LPP: variants seen among roughly 807,000 people sequenced by gnomAD.
LPP encodes LIM domain containing preferred translocation partner in lipoma, also known as lipoma-preferred partner.
A neutral mutation model predicts 60.4 loss-of-function variants in LPP; 38 were observed. That is an observed-to-expected ratio of 0.63 (90% CI 0.49 to 0.83). LPP has a LOEUF of 0.83. LPP is among the 40% of genes least tolerant of loss of function. The pLI is 0.00. For missense variants in LPP, 902 were observed against 783.6 expected (o/e 1.15, Z -1.80); for synonymous variants, 328 against 290.8 (o/e 1.13, Z -1.30).
At chr3:188,348,335 AC>A (rs1210460853) in intron 3 of LPP, among the ~76,000 whole-genome samples, 1 of 151,816 alleles carries the variant, frequency 6.6e-6, no homozygotes, top group African/African-American at 2.4e-5. Flanking sequence ...TTTAGTAGAG[AC>A]AAGGTTTCAC....
At chr3:188,341,808 G>C (rs1391813847) in intron 3 of LPP, 89 bp downstream of exon 3, 1 of 410,824 alleles carries the variant, frequency 2.4e-6, no homozygotes. Flanking sequence ...ACAAAGAATA[G>C]AAGAAATACA....
At chr3:188,845,845 A>G (rs953264846) in intron 9 of LPP, among the ~76,000 whole-genome samples, 1 of 152,218 alleles carries the variant, frequency 6.6e-6, no homozygotes, top group Non-Finnish European at 1.5e-5. Flanking sequence ...AAGATGCTAC[A>G]TGACTACAAA....
At chr3:188,375,885 A>C (rs886556109) in intron 3 of LPP, among the ~76,000 whole-genome samples, 3 of 152,102 alleles carry the variant, frequency 2.0e-5, no homozygotes, top group African/African-American at 7.2e-5. Context: ...AATGTGTCCC[A>C]GAGATTCTGG....
Position 188,269,327 on chromosome 3 carries a change from T to G in LPP, c.-67+43800T>G, listed in dbSNP as rs1332887400. On this transcript the variant is annotated intron_variant, in intron 2 of 11. Coordinates refer to ENST00000617246, the MANE Select transcript of LPP (RefSeq NM_001375462.1). ...GTTGTTTCTATTTCTGGGGTATTGA[T>G]TTCCCCGTCTCAAAATAAATATCTT... Among the ~76,000 whole-genome samples the G allele has an allele frequency of 2.7e-5, 4 of 149,032 alleles. No individual in the cohort carries two copies. In the South Asian group the frequency reaches 6.4e-4, roughly 24 times the overall value.
chr3:188,438,558 G>A (rs901546308), intron 4 of LPP, among the ~76,000 whole-genome samples: 2 of 152,080 alleles, frequency 1.3e-5, no homozygotes, highest in East Asian at 1.9e-4. Context: ...TTACTTACAC[G>A]TGTAGTAACT....
rs563707668 is a variant in LPP at position 188,507,045 on chromosome 3, C to T, written c.307-17620C>T. Among the ~76,000 whole-genome samples, 36 of 150,760 alleles carry T rather than the reference C, an allele frequency of 2.4e-4. 1 individual carries two copies. The highest frequency in any genetic ancestry group is 3.4e-3 in the Middle Eastern group (1 of 292). On this transcript the variant is annotated intron_variant, in intron 5 of 11. Transcript: ENST00000617246. ...ATCTCCTGGCCTCGTGGTCCACCTA[C>T]CTCGGCCTCCCAAAGTGCTGGGATT...
chr3:188,262,875 T>C (rs1023182773), intron 2 of LPP, among the ~76,000 whole-genome samples: 4 of 151,988 alleles, frequency 2.6e-5, no homozygotes, highest in African/African-American at 9.7e-5. Flanking sequence ...CCAGGTCTCC[T>C]GAATTTTCGT....
chr3:188,750,911 C>T (rs1727864663), intron 8 of LPP, among the ~76,000 whole-genome samples: 1 of 152,154 alleles, frequency 6.6e-6, no homozygotes, highest in African/African-American at 2.4e-5. Context: ...TCTAACTTTA[C>T]ATGGTCTTAA....
At chr3:188,216,895 A>G (rs1390709847) in intron 1 of LPP, among the ~76,000 whole-genome samples, 7 of 152,236 alleles carry the variant, frequency 4.6e-5, no homozygotes, top group Non-Finnish European at 1.0e-4. Context: ...CAGGGCTACT[A>G]TCCTTTTATA....
chr3:188,879,073 G>A lies in LPP; in HGVS notation c.*4594G>A, dbSNP rs1769611340. ...GACAAGTTCAAAACTTGTTCTCAGT[G>A]AGGCATTAATATGGTGCAACCATGA... On this transcript the variant is annotated 3_prime_UTR_variant, in exon 12 of 12. Coordinates refer to ENST00000617246, the MANE Select transcript of LPP (RefSeq NM_001375462.1). 4.4e-6 allele frequency: 1 copy of A among 228,100 alleles called. No homozygotes were observed. The highest frequency in any genetic ancestry group is 5.7e-5 in the Admixed American group (1 of 17,634). 14.1% of individuals were successfully genotyped at this position (228,100 alleles called of 1,614,324 possible). A position where few individuals can be genotyped will look rare whatever the true frequency, so the allele number is the denominator to read the frequency against.
intron 3 of LPP, among the ~76,000 whole-genome samples, chr3:188,397,488 C>A (rs1429874507): frequency 6.6e-6 from 1 of 152,146 alleles, no homozygotes; most frequent in Non-Finnish European, 1.5e-5. Flanking sequence ...AACCTTCTCT[C>A]CTGAGAGTCC....
chr3:188,787,694 C>A (rs1268155034), intron 9 of LPP, among the ~76,000 whole-genome samples: 1 of 152,166 alleles, frequency 6.6e-6, no homozygotes, highest in Non-Finnish European at 1.5e-5. Flanking sequence ...TATCGCTGTA[C>A]ACAACTTTCT....
At chr3:188,478,718 T>A (rs1220828246) in intron 4 of LPP, among the ~76,000 whole-genome samples, 1 of 152,098 alleles carries the variant, frequency 6.6e-6, no homozygotes, top group African/African-American at 2.4e-5. Context: ...AAACATATAT[T>A]TTTTTCTGTA....
At chr3:188,648,827 G>A (rs976457125) in intron 7 of LPP, among the ~76,000 whole-genome samples, 1 of 151,830 alleles carries the variant, frequency 6.6e-6, no homozygotes, top group African/African-American at 2.4e-5. Context: ...CTATTTTATT[G>A]TTGGCCAGTT....
intron 2 of LPP, among the ~76,000 whole-genome samples, chr3:188,282,483 G>A (rs1742445046): frequency 6.6e-6 from 1 of 152,090 alleles, no homozygotes; most frequent in African/African-American, 2.4e-5. Flanking sequence ...TACTGGAGAG[G>A]GAGTCTTTAT....
Position 188,403,659 on chromosome 3 carries a change from T to C in LPP, c.-9-2453T>C, listed in dbSNP as rs940342072. ...ATTGGCATTTCTCAGCCATGTGAGA[T>C]GGGTTTGGTTTTGGTATTTAGAAAA... On this transcript the variant is annotated intron_variant, in intron 3 of 11. Transcript: ENST00000617246. Among the ~76,000 whole-genome samples, 23 of 152,106 alleles carry C rather than the reference T, an allele frequency of 1.5e-4. 1 individual carries two copies. Among genetic ancestry groups the C allele is most frequent in the Non-Finnish European group, 5.9e-5 (4 of 68,022 alleles).
chr3:188,707,403 C>A (rs1350486493), intron 7 of LPP, among the ~76,000 whole-genome samples: 1 of 152,174 alleles, frequency 6.6e-6, no homozygotes, highest in Non-Finnish European at 1.5e-5. Context: ...CCCTGCCCCC[C>A]TGCCCAACCT....
chr3:188,642,554 CTT>C (rs1394402204), intron 7 of LPP, among the ~76,000 whole-genome samples: 1 of 152,132 alleles, frequency 6.6e-6, no homozygotes, highest in Non-Finnish European at 1.5e-5. Flanking sequence ...ATCCCTGAGA[CTT>C]ATTATTTGAC....
intron 9 of LPP, among the ~76,000 whole-genome samples, chr3:188,857,202 T>C (rs1481507887): frequency 6.6e-6 from 1 of 152,230 alleles, no homozygotes; most frequent in Non-Finnish European, 1.5e-5. Flanking sequence ...TTGGACAAGA[T>C]GATTCGGGGA....
Sources: allele counts gnomAD v4.1 joint callset (sites outside exome capture counted in the v4.1 genomes callset), GRCh38; gene constraint gnomAD v4.1.1; transcripts MANE v1.5; gene names NCBI Gene and HGNC (gene_info 2026-07-23, HGNC 2026-07-21).